The following GRM7 variants were observed in gnomAD, a reference collection of about 807,000 sequenced individuals.
GRM7 encodes the protein metabotropic glutamate receptor 7.
A neutral mutation model predicts 84.5 loss-of-function variants in GRM7; 35 were observed. The observed-to-expected ratio is 0.41, with a 90% CI of 0.32 to 0.55. GRM7 has a LOEUF of 0.55. Ranked by LOEUF, GRM7 falls within the 20% of genes least tolerant of loss-of-function variation. The pLI is 0.19. For synonymous variants in GRM7, 487 were observed against 455.1 expected, an observed-to-expected ratio of 1.07 and a Z score of -0.89; for missense variants, 1,003 against 1,194.6, an observed-to-expected ratio of 0.84 and a Z score of 2.36.
At chr3:7,356,868 T>G (rs1693429217) in intron 4 of GRM7, among the ~76,000 whole-genome samples, 1 of 150,344 alleles carries the variant, frequency 6.7e-6, no homozygotes, top group Non-Finnish European at 1.5e-5. Flanking sequence ...CCTACTGGCT[T>G]CTCTCATCCT....
chr3:6,915,654 GACTTTC>G (rs1176390305), intron 1 of GRM7, among the ~76,000 whole-genome samples: 1 of 152,104 alleles, frequency 6.6e-6, no homozygotes, highest in Non-Finnish European at 1.5e-5. Context: ...TGTATTCATT[GACTTTC>G]ACTATTCATC....
intron 1 of GRM7, among the ~76,000 whole-genome samples, chr3:7,102,957 G>T (rs1699165199): frequency 6.6e-6 from 1 of 150,966 alleles, no homozygotes; most frequent in African/African-American, 2.4e-5. Flanking sequence ...TTGCTTATTT[G>T]ACCATCTTTT....
At chr3:7,610,948 A>AT (rs918448939) in intron 8 of GRM7, among the ~76,000 whole-genome samples, 8 of 152,040 alleles carry the variant, frequency 5.3e-5, no homozygotes, top group South Asian at 4.2e-4. Context: ...AATGTATAAT[A>AT]TTTTTTTTGG....
At chr3:7,616,463 G>A (rs1352707139) in intron 8 of GRM7, among the ~76,000 whole-genome samples, 1 of 152,064 alleles carries the variant, frequency 6.6e-6, no homozygotes, top group Non-Finnish European at 1.5e-5. Flanking sequence ...TTCACTCACT[G>A]CTCAAAACTT....
At chr3:6,927,269 A>T (rs944275755) in intron 1 of GRM7, among the ~76,000 whole-genome samples, 6 of 152,068 alleles carry the variant, frequency 3.9e-5, no homozygotes, top group Admixed American at 1.3e-4. Context: ...CTTTACTAAA[A>T]ACACAAAAAT....
chr3:7,351,197 T>G (rs952078555), intron 4 of GRM7, among the ~76,000 whole-genome samples: 2 of 151,918 alleles, frequency 1.3e-5, no homozygotes, highest in Non-Finnish European at 2.9e-5. Context: ...GCCCTATAAT[T>G]GCCAAAGGAT....
chr3:7,245,468 G>T (rs1439545269), intron 2 of GRM7, among the ~76,000 whole-genome samples: 1 of 151,676 alleles, frequency 6.6e-6, no homozygotes, highest in Non-Finnish European at 1.5e-5. Context: ...CCTCATATGA[G>T]AAACAAAGCC....
chr3:6,957,907 T>G (rs901132274), intron 1 of GRM7, among the ~76,000 whole-genome samples: 1 of 152,178 alleles, frequency 6.6e-6, no homozygotes, highest in Non-Finnish European at 1.5e-5. Context: ...TTTACAAAGA[T>G]AAAGTACAGA....
At chr3:6,886,750 T>C (rs1475641163) in intron 1 of GRM7, among the ~76,000 whole-genome samples, 2 of 151,434 alleles carry the variant, frequency 1.3e-5, no homozygotes, top group Admixed American at 1.3e-4. Context: ...TGTTAATTCT[T>C]GCAGTAATTT....
At chr3:7,373,075 C>T (rs1025660841) in intron 4 of GRM7, among the ~76,000 whole-genome samples, 1 of 152,088 alleles carries the variant, frequency 6.6e-6, no homozygotes, top group African/African-American at 2.4e-5. Context: ...TTTGAAGGCA[C>T]TCAAACTGTT....
chr3:7,669,092 T>G (rs71308561), intron 8 of GRM7, among the ~76,000 whole-genome samples: 1 of 152,260 alleles, frequency 6.6e-6, no homozygotes, highest in East Asian at 1.9e-4. Flanking sequence ...CCAATTCTAT[T>G]GCACTTGTCA....
chr3:7,341,943 T>C lies in GRM7; in HGVS notation c.1033+35291T>C, dbSNP rs114082552. Among the ~76,000 whole-genome samples the C allele has an allele frequency of 8.9e-4, 135 of 152,202 alleles. 1 individual carries two copies. Among genetic ancestry groups the C allele is most frequent in the African/African-American group, 3.1e-3 (128 of 41,550 alleles). On this transcript the variant is annotated intron_variant, in intron 4 of 9. Transcript: ENST00000357716. ...CATTCAGAAGACAAGGCTATACCCA[T>C]AGAATACAAAGTTAACATTATAGAT...
At chr3:7,619,845 C>G (rs917639225) in intron 8 of GRM7, among the ~76,000 whole-genome samples, 1 of 152,138 alleles carries the variant, frequency 6.6e-6, no homozygotes, top group East Asian at 1.9e-4. Context: ...CTAAGTTCAC[C>G]TTCCTCAGTA....
At chr3:7,359,377 A>G (rs1575216562) in intron 4 of GRM7, among the ~76,000 whole-genome samples, 1 of 117,328 alleles carries the variant, frequency 8.5e-6, no homozygotes, top group Non-Finnish European at 1.6e-5. Context: ...TCTGTTGCCC[A>G]TGGCTGGAGT....
At chr3:7,387,052 C>T (rs773803669) in intron 4 of GRM7, among the ~76,000 whole-genome samples, 61 of 152,004 alleles carry the variant, frequency 4.0e-4, no homozygotes, top group Non-Finnish European at 6.2e-4. Context: ...GTTTATTGGC[C>T]ATGTTTATGT....
intron 7 of GRM7, among the ~76,000 whole-genome samples, chr3:7,503,925 C>A (rs1200733793): frequency 6.6e-6 from 1 of 152,124 alleles, no homozygotes; most frequent in Admixed American, 6.6e-5. Flanking sequence ...TGCTACCAAA[C>A]TAACAATAAT....
chr3:7,447,490 G>A (rs905684862), intron 5 of GRM7, among the ~76,000 whole-genome samples: 6 of 152,012 alleles, frequency 3.9e-5, no homozygotes, highest in African/African-American at 9.7e-5. Flanking sequence ...TGTATTACTC[G>A]GAAGACCATG....
At chr3:7,409,689 C>G (rs1258860635) in intron 4 of GRM7, among the ~76,000 whole-genome samples, 2 of 152,146 alleles carry the variant, frequency 1.3e-5, no homozygotes, top group African/African-American at 2.4e-5. Flanking sequence ...CAACCTCTGC[C>G]TCCTGGGTTC....
intron 8 of GRM7, among the ~76,000 whole-genome samples, chr3:7,675,423 T>C (rs778965740): frequency 8.5e-5 from 13 of 152,196 alleles, no homozygotes; most frequent in Non-Finnish European, 1.6e-4. Context: ...ATGTAACAAG[T>C]TTTCAAATTT....
Sources: allele counts gnomAD v4.1 joint callset (sites outside exome capture counted in the v4.1 genomes callset), GRCh38; gene constraint gnomAD v4.1.1; transcripts MANE v1.5; gene names NCBI Gene and HGNC (gene_info 2026-07-23, HGNC 2026-07-21).